FGFR2: variants seen among roughly 807,000 people sequenced by gnomAD.
FGFR2 encodes the protein BEK fibroblast growth factor receptor.
Under a neutral mutation model 95.9 loss-of-function variants are expected in FGFR2, and 19 were observed. The ratio of observed to expected loss-of-function variants is 0.20; its 90% CI spans 0.14 to 0.29. The LOEUF (loss-of-function observed/expected upper bound fraction) is 0.29. Ranked by LOEUF, FGFR2 falls within the 10% of genes least tolerant of loss-of-function variation. FGFR2 has a pLI of 1.00. For missense variants in FGFR2, 707 were observed against 1,056.9 expected, an observed-to-expected ratio of 0.67 and a Z score of 4.59; for synonymous variants, 392 against 393.3, an observed-to-expected ratio of 1.00 and a Z score of 0.04.
At chr10:121,565,803 G>A (rs1432217474) in intron 2 of FGFR2, 99 bp from the exon 3 acceptor site, 22 of 1,453,320 alleles carry the variant, frequency 1.5e-5, no homozygotes, top group Non-Finnish European at 2.1e-5. Flanking sequence ...ATTCCCAGGA[G>A]AAGCTGTTCT....
chr10:121,552,369 AG>A (rs1855531803), intron 4 of FGFR2, among the ~76,000 whole-genome samples: 1 of 152,258 alleles, frequency 6.6e-6, no homozygotes, highest in African/African-American at 2.4e-5. Flanking sequence ...TACTTTGCCA[AG>A]CACTGCTCAA....
rs2134252148 is a variant in FGFR2 at position 121,517,267 on chromosome 10, G to C, written c.1084+52C>G. On this transcript the variant is annotated intron_variant, in intron 8 of 17. Coordinates refer to ENST00000358487, the MANE Select transcript of FGFR2 (RefSeq NM_000141.5). The surrounding 1 kb of genome is among the most constrained non-coding windows in gnomAD (Gnocchi z 4.7). ...TAACAGAAGCTGTGTTAATTTTATA[G>C]CAGTCAACCAAGAAAAGGGAAAAAA... The C allele has an allele frequency of 6.3e-7, 1 of 1,579,506 alleles. No homozygotes were observed. Among genetic ancestry groups the C allele is most frequent in the Non-Finnish European group, 8.7e-7 (1 of 1,148,818 alleles).
At chr10:121,539,902 C>T (rs1318217329) in intron 5 of FGFR2, among the ~76,000 whole-genome samples, 1 of 152,218 alleles carries the variant, frequency 6.6e-6, no homozygotes, top group Non-Finnish European at 1.5e-5. Context: ...AGCAGCTGTC[C>T]ACTTTGCAAA....
chr10:121,483,583 A>C, intron 17 of FGFR2, 115 bp downstream of exon 17: 1 of 762,488 alleles, frequency 1.3e-6, no homozygotes, highest in Non-Finnish European at 2.3e-6. Flanking sequence ...ATGGAAAAAG[A>C]ATAAACAAGA....
intron 9 of FGFR2, among the ~76,000 whole-genome samples, chr10:121,507,528 C>T (rs968767326): frequency 7.9e-5 from 12 of 152,154 alleles, no homozygotes; most frequent in African/African-American, 2.4e-4. Flanking sequence ...GCAGAGGTTG[C>T]GGTGAGCCGA....
At chr10:121,586,183 A>G (rs1861803906) in intron 2 of FGFR2, among the ~76,000 whole-genome samples, 1 of 152,230 alleles carries the variant, frequency 6.6e-6, no homozygotes, top group South Asian at 2.1e-4. Context: ...TAGGAGCTCA[A>G]GGGTTCGAAA....
Position 121,485,227 on chromosome 10 carries a change from C to T in FGFR2, c.2195+168G>A, listed in dbSNP as rs1313805057. ...TTTCTCTCAGACAAGTAATGGTTGT[C>T]GGTGTCGCTATGTATCCCAGCTCTG... is the stretch of plus-strand genomic sequence containing the variant. On this transcript the variant is annotated intron_variant, in intron 16 of 17. Transcript: ENST00000358487. This position sits in a 1 kb window ranked among gnomAD's most constrained non-coding sequence, Gnocchi z 4.2. Among the ~76,000 whole-genome samples the T allele has an allele frequency of 3.3e-5, 5 of 152,092 alleles. No homozygotes were observed. Among genetic ancestry groups the T allele is most frequent in the African/African-American group, 4.8e-5 (2 of 41,410 alleles).
chr10:121,590,373 G>C (rs1362159983), intron 2 of FGFR2, among the ~76,000 whole-genome samples: 1 of 152,098 alleles, frequency 6.6e-6, no homozygotes, highest in East Asian at 1.9e-4. Flanking sequence ...AATCAAGCTT[G>C]ACTAGACTTC....
intron 6 of FGFR2, among the ~76,000 whole-genome samples, chr10:121,534,937 T>C (rs897922736): frequency 6.6e-6 from 1 of 152,170 alleles, no homozygotes; most frequent in African/African-American, 2.4e-5. Context: ...CCTTGGAAAC[T>C]AGGAATGTGA....
chr10:121,482,659 A>C (rs2133747802), intron 17 of FGFR2, among the ~76,000 whole-genome samples: 1 of 152,310 alleles, frequency 6.6e-6, no homozygotes, highest in East Asian at 1.9e-4. Flanking sequence ...TGATGGGTTT[A>C]TCATCTTTCC....
At position 121,518,778 on chromosome 10, in the gene FGFR2, T is replaced by TTG; in HGVS notation, c.939+1200_939+1201insCA. On this transcript the variant is annotated intron_variant, in intron 7 of 17. Coordinates refer to ENST00000358487, the MANE Select transcript of FGFR2 (RefSeq NM_000141.5). The surrounding 1 kb of genome is among the most constrained non-coding windows in gnomAD (Gnocchi z 4.0). Reference sequence around the variant, plus strand: ...ATATATTCCCCAGCATCCGCCTCGGTCACATTGAACAGAGCCAGCACTTCT... The same window carrying TTG: ...ATATATTCCCCAGCATCCGCCTCGGTTGCACATTGAACAGAGCCAGCACTTCT... The TTG allele has an allele frequency of 6.2e-7, 1 of 1,614,124 alleles. No homozygotes were observed. Among genetic ancestry groups the TTG allele is most frequent in the Non-Finnish European group, 8.5e-7 (1 of 1,180,012 alleles).
At chr10:121,576,252 A>T (rs1352930898) in intron 2 of FGFR2, among the ~76,000 whole-genome samples, 1 of 152,242 alleles carries the variant, frequency 6.6e-6, no homozygotes, top group East Asian at 1.9e-4. Context: ...GCGACAGGCC[A>T]TTAGATCATG....
chr10:121,590,038 G>C (rs1260809678), intron 2 of FGFR2, among the ~76,000 whole-genome samples: 1 of 152,186 alleles, frequency 6.6e-6, no homozygotes, highest in Non-Finnish European at 1.5e-5. Context: ...ACTTAGGGAG[G>C]TCTCTGTGTA....
chr10:121,550,380 G>A (rs41302339), intron 5 of FGFR2, among the ~76,000 whole-genome samples: 2,542 of 152,310 alleles, frequency 0.017, 75 homozygotes, highest in African/African-American at 0.058. Context: ...GGCACACAGG[G>A]TGCTCAATCA....
At chr10:121,532,215 C>A (rs1368213394) in intron 6 of FGFR2, among the ~76,000 whole-genome samples, 1 of 152,224 alleles carries the variant, frequency 6.6e-6, no homozygotes, top group Non-Finnish European at 1.5e-5. Context: ...CAGAACCCCA[C>A]AGGGCTCTAC....
intron 6 of FGFR2, chr10:121,526,880 C>G (rs970629946): frequency 6.3e-5 from 25 of 397,210 alleles, no homozygotes; most frequent in African/African-American, 1.0e-4. Context: ...ATCTGACTCT[C>G]GGAAGTCTTG....
intron 6 of FGFR2, chr10:121,527,087 ATGAAG>A (rs1205922341): frequency 3.8e-6 from 1 of 265,256 alleles, no homozygotes; most frequent in Non-Finnish European, 7.1e-6. Context: ...TGCTTGCTCG[ATGAAG>A]TGAAGAAGAG....
chr10:121,574,982 G>T (rs534938977), intron 2 of FGFR2, among the ~76,000 whole-genome samples: 1 of 152,188 alleles, frequency 6.6e-6, no homozygotes, highest in African/African-American at 2.4e-5. Context: ...CTCCCTGGTC[G>T]CTAACAAGGA....
intron 13 of FGFR2, among the ~76,000 whole-genome samples, chr10:121,494,071 G>A (rs1846470437): frequency 6.6e-6 from 1 of 151,570 alleles, no homozygotes; most frequent in Non-Finnish European, 1.5e-5. Context: ...CCTTTGACAG[G>A]GGCTCAGCCT....
Sources: gnomAD v4.1 joint callset for allele counts (sites outside exome capture counted in the v4.1 genomes callset) on GRCh38, gnomAD v4.1.1 for gene constraint, Gnocchi (gnomAD v3.1) non-coding constraint, MANE v1.5 for transcripts, NCBI Gene and HGNC (gene_info 2026-07-23, HGNC 2026-07-21) for gene names.